Variants in RICTOR observed in about 807,000 individuals in gnomAD.
RICTOR encodes rapamycin-insensitive companion of mTOR.
A neutral mutation model predicts 214.9 loss-of-function variants in RICTOR; 49 were observed. That is an observed-to-expected ratio of 0.23 (90% CI 0.18 to 0.29). RICTOR has a LOEUF of 0.29. Among genes scored for constraint, RICTOR ranks in the 10% least tolerant of loss-of-function variants. The probability of loss-of-function intolerance (pLI) is 1.00; values close to 1 mark genes in which losing one functional copy is unlikely to be tolerated. For synonymous variants in RICTOR, 717 were observed against 711.3 expected (o/e 1.01, Z -0.13); for missense variants, 1,625 against 2,047.0 (o/e 0.79, Z 3.98).
intron 2 of RICTOR, among the ~76,000 whole-genome samples, chr5:39,065,255 G>A (rs953376819): frequency 3.9e-5 from 6 of 152,162 alleles, no homozygotes; most frequent in Non-Finnish European, 7.4e-5. Flanking sequence ...GGGAGCAAGA[G>A]GGAGCTGGGG....
At chr5:39,071,544 TTCACATTCTTA>T (rs1759323472) in intron 2 of RICTOR, among the ~76,000 whole-genome samples, 3 of 152,208 alleles carry the variant, frequency 2.0e-5, no homozygotes, top group African/African-American at 7.2e-5. Context: ...TCATTTACTT[TTCACATTCTTA>T]ACCCTTTGAA....
intron 30 of RICTOR, 96 bp from the exon 31 acceptor site, chr5:38,950,816 C>T (rs1415227003): frequency 2.6e-5 from 26 of 1,008,984 alleles, no homozygotes; most frequent in Non-Finnish European, 3.7e-5. Context: ...TTTTTTTAGT[C>T]ATCTAGAGGA....
intron 2 of RICTOR, among the ~76,000 whole-genome samples, chr5:39,052,385 C>A (rs1757914354): frequency 6.6e-6 from 1 of 152,062 alleles, no homozygotes; most frequent in South Asian, 2.1e-4. Context: ...TACAGTGTAC[C>A]CAGTCATTAG....
At chr5:38,987,295 G>A (rs1230337720) in intron 7 of RICTOR, among the ~76,000 whole-genome samples, 5 of 152,156 alleles carry the variant, frequency 3.3e-5, no homozygotes, top group Non-Finnish European at 7.4e-5. Flanking sequence ...TTCAGAAGGT[G>A]TGGTACCAGC....
chr5:38,949,519 T>G, intron 31 of RICTOR, 193 bp downstream of exon 31: 1 of 1,203,580 alleles, frequency 8.3e-7, no homozygotes, highest in Non-Finnish European at 1.2e-6. Flanking sequence ...TATAGGATTT[T>G]CTTCCCCCCT....
At chr5:38,943,099 G>T in intron 36 of RICTOR, 128 bp from the exon 37 acceptor site, 2 of 553,640 alleles carry the variant, frequency 3.6e-6, no homozygotes, top group Non-Finnish European at 6.3e-6. Flanking sequence ...TTGGGGTGAT[G>T]ACTTGAGAAT....
At chr5:38,973,860 C>T (rs1750986681) in intron 10 of RICTOR, among the ~76,000 whole-genome samples, 1 of 152,078 alleles carries the variant, frequency 6.6e-6, no homozygotes, top group African/African-American at 2.4e-5. Context: ...TTATTTGGAA[C>T]TGGAAATACA....
chr5:38,991,279 A>T (rs1752755664), intron 6 of RICTOR, among the ~76,000 whole-genome samples: 1 of 152,142 alleles, frequency 6.6e-6, no homozygotes, highest in South Asian at 2.1e-4. Flanking sequence ...TACTATGGAA[A>T]ATGTGTTAGA....
intron 30 of RICTOR, 102 bp from the exon 31 acceptor site, chr5:38,950,822 G>A (rs1748714720): frequency 1.0e-6 from 1 of 957,178 alleles, no homozygotes; most frequent in Non-Finnish European, 1.5e-6. Flanking sequence ...TAGTCATCTA[G>A]AGGAAAAAAT....
chr5:39,057,741 G>C (rs1758292275), intron 2 of RICTOR, among the ~76,000 whole-genome samples: 1 of 152,214 alleles, frequency 6.6e-6, no homozygotes, highest in Admixed American at 6.5e-5. Context: ...TCTAGACTCA[G>C]AGTCAGCAAG....
chr5:38,985,379 G>C (rs1752085590), intron 7 of RICTOR, among the ~76,000 whole-genome samples: 1 of 151,930 alleles, frequency 6.6e-6, no homozygotes, highest in African/African-American at 2.4e-5. Flanking sequence ...AAATGTTTTA[G>C]AACTGCGGAT....
intron 2 of RICTOR, among the ~76,000 whole-genome samples, chr5:39,061,293 A>AT (rs1380165936): frequency 6.6e-6 from 1 of 152,048 alleles, no homozygotes; most frequent in Admixed American, 6.6e-5. Context: ...GCAGAAAGTT[A>AT]TTTTTTCATT....
Position 38,942,901 on chromosome 5 carries a change from G to T in RICTOR, c.4984C>A (p.His1662Asn). 1.9e-6 allele frequency: 3 copies of T among 1,606,586 alleles called. No homozygotes were observed. Among genetic ancestry groups the T allele is most frequent in the Non-Finnish European group, 8.5e-7 (1 of 1,173,114 alleles). The change falls in exon 37 of 38, where the codon CAC becomes AAC. Residue 1662 changes from histidine to asparagine, a missense_variant. Transcript: ENST00000357387. The stretch of plus-strand genomic sequence containing the variant: ...CGACACGGAAGTCTGAATGTGCAGT[G>T]TGACAGCAAATGGGAAACCTCAGAG... ...LYSEVSHLLS[H>N]CTFRLPCRRF...
At chr5:39,035,836 C>A (rs992301167) in intron 2 of RICTOR, among the ~76,000 whole-genome samples, 3 of 152,200 alleles carry the variant, frequency 2.0e-5, no homozygotes, top group Middle Eastern at 3.2e-3. Flanking sequence ...AAATCTACGT[C>A]TGATTGTTGT....
chr5:38,938,137 TTTTC>T lies in RICTOR; in HGVS notation c.*4163_*4166del, dbSNP rs1163160349. 54 of 213,764 alleles carry T rather than the reference TTTTC, an allele frequency of 2.5e-4. 1 individual carries two copies. Among genetic ancestry groups the T allele is most frequent in the African/African-American group, 5.0e-4 (22 of 44,230 alleles). 13.2% of individuals were successfully genotyped at this position (213,764 alleles called of 1,614,324 possible). ...TTCTTACAGAAAAAATATAAATACTTTTTCTTTCTATGTTACAGTTATACAATAT... is the reference window on the plus strand; with the variant it reads ...TTCTTACAGAAAAAATATAAATACTTTTTCTATGTTACAGTTATACAATAT... On this transcript the variant is annotated 3_prime_UTR_variant, in exon 38 of 38. Coordinates refer to ENST00000357387, the MANE Select transcript of RICTOR (RefSeq NM_152756.5).
intron 2 of RICTOR, among the ~76,000 whole-genome samples, chr5:39,032,741 A>G (rs1461034047): frequency 6.6e-6 from 1 of 152,198 alleles, no homozygotes; most frequent in Non-Finnish European, 1.5e-5. Context: ...AACCAACTGA[A>G]TGTTTCATAG....
chr5:39,028,363 T>C lies in RICTOR; in HGVS notation c.98-7227A>G, dbSNP rs373287910. Among the ~76,000 whole-genome samples the C allele has an allele frequency of 3.8e-4, 58 of 151,766 alleles. No homozygotes were observed. In the East Asian group the frequency reaches 9.7e-3, roughly 25 times the overall value. On this transcript the variant is annotated intron_variant, in intron 2 of 37. Coordinates refer to ENST00000357387, the MANE Select transcript of RICTOR (RefSeq NM_152756.5). Reference sequence around the variant, plus strand: ...ACGCCCGGCTAATTTTTTGTATTTTTAGTAGAGACGGGGTTTCACCGTTTT... The same window carrying C: ...ACGCCCGGCTAATTTTTTGTATTTTCAGTAGAGACGGGGTTTCACCGTTTT...
At chr5:38,952,504 T>C (rs989088852) in intron 29 of RICTOR, 79 bp from the exon 30 acceptor site, 3 of 956,480 alleles carry the variant, frequency 3.1e-6, no homozygotes, top group Non-Finnish European at 4.7e-6. Flanking sequence ...TAATTTGCTA[T>C]ACATACTTTG....
intron 2 of RICTOR, among the ~76,000 whole-genome samples, chr5:39,034,683 C>A (rs774226490): frequency 1.2e-4 from 19 of 152,234 alleles, no homozygotes; most frequent in Non-Finnish European, 1.2e-4. Flanking sequence ...ACACCTGGCT[C>A]AGCGGGTCCT....
Sources: allele counts gnomAD v4.1 joint callset (sites outside exome capture counted in the v4.1 genomes callset), GRCh38; gene constraint gnomAD v4.1.1; transcripts MANE v1.5; gene names NCBI Gene and HGNC (gene_info 2026-07-23, HGNC 2026-07-21).